The following LRRC4C variants were observed in gnomAD, a reference collection of about 807,000 sequenced individuals.
LRRC4C encodes leucine rich repeat containing 4C.
A neutral mutation model predicts 33.6 loss-of-function variants in LRRC4C; 5 were observed. The ratio of observed to expected loss-of-function variants is 0.15; its 90% CI spans 0.08 to 0.31. The LOEUF is 0.31. Among genes scored for constraint, LRRC4C ranks in the 10% least tolerant of loss-of-function variants. LRRC4C has a pLI of 1.00. For missense variants in LRRC4C, 560 were observed against 796.7 expected (o/e 0.70, Z 3.58); for synonymous variants, 329 against 302.0 (o/e 1.09, Z -0.93).
intron 3 of LRRC4C, among the ~76,000 whole-genome samples, chr11:40,560,786 G>A (rs945558128): frequency 6.6e-6 from 1 of 152,148 alleles, no homozygotes; most frequent in Non-Finnish European, 1.5e-5. Context: ...TTTTGGAAGT[G>A]GTGAAGGAGT....
intron 6 of LRRC4C, among the ~76,000 whole-genome samples, chr11:40,117,947 A>G (rs1855551979): frequency 6.6e-6 from 1 of 151,210 alleles, no homozygotes; most frequent in South Asian, 2.1e-4. Context: ...TCAGAACTCA[A>G]TAAATGTTAG....
Position 41,257,272 on chromosome 11 carries a change from G to A in LRRC4C, c.-496+202159C>T, listed in dbSNP as rs533619555. Among the ~76,000 whole-genome samples, 5 of 152,088 alleles carry A rather than the reference G, an allele frequency of 3.3e-5. No homozygotes were observed. In the East Asian group the frequency reaches 7.7e-4, roughly 24 times the overall value. Reference sequence around the variant, plus strand: ...TAAGTGGAAAAGAACTTGGAAAGGTGAAAAATGTGAAAGACAAGAAATATA... The same window carrying A: ...TAAGTGGAAAAGAACTTGGAAAGGTAAAAAATGTGAAAGACAAGAAATATA... On this transcript the variant is annotated intron_variant, in intron 1 of 6. Coordinates refer to ENST00000528697, the MANE Select transcript of LRRC4C (RefSeq NM_001258419.2).
chr11:40,241,814 T>C (rs1865942895), intron 4 of LRRC4C: 1 of 152,206 alleles, frequency 6.6e-6, no homozygotes, highest in Non-Finnish European at 1.5e-5. Context: ...ACCACATAGG[T>C]TGCTAGTATC....
chr11:40,436,575 G>A (rs1164272170), intron 3 of LRRC4C, among the ~76,000 whole-genome samples: 1 of 152,134 alleles, frequency 6.6e-6, no homozygotes, highest in Non-Finnish European at 1.5e-5. Flanking sequence ...AGCCTGGTGT[G>A]TGCACCCAAG....
intron 2 of LRRC4C, among the ~76,000 whole-genome samples, chr11:40,715,575 A>G (rs1051029331): frequency 2.6e-5 from 4 of 152,240 alleles, no homozygotes; most frequent in Non-Finnish European, 5.9e-5. Context: ...GTGCATGCTC[A>G]CTGGGTATCA....
At chr11:40,312,240 C>T (rs899723799) in intron 4 of LRRC4C, among the ~76,000 whole-genome samples, 2 of 152,108 alleles carry the variant, frequency 1.3e-5, no homozygotes, top group African/African-American at 4.8e-5. Context: ...TTACCTTAAT[C>T]GATAACAGTA....
At chr11:41,390,134 G>T (rs535440485) in intron 1 of LRRC4C, among the ~76,000 whole-genome samples, 1 of 151,876 alleles carries the variant, frequency 6.6e-6, no homozygotes, top group Admixed American at 6.6e-5. Context: ...TTTGTTTGCC[G>T]AGGATTTGAG....
At chr11:41,226,983 C>T (rs1404212283) in intron 1 of LRRC4C, among the ~76,000 whole-genome samples, 1 of 151,926 alleles carries the variant, frequency 6.6e-6, no homozygotes, top group African/African-American at 2.4e-5. Context: ...AACCCACAAC[C>T]ACAGTCCTCT....
At chr11:40,322,750 C>T (rs919155894) in intron 3 of LRRC4C, among the ~76,000 whole-genome samples, 2 of 152,092 alleles carry the variant, frequency 1.3e-5, no homozygotes, top group African/African-American at 4.8e-5. Context: ...AGGTCCATCC[C>T]TTTTATGCTG....
At chr11:40,447,849 C>T (rs1419912201) in intron 3 of LRRC4C, among the ~76,000 whole-genome samples, 2 of 152,182 alleles carry the variant, frequency 1.3e-5, no homozygotes, top group Non-Finnish European at 2.9e-5. Context: ...CTGAGTCTCG[C>T]TCTGTTGCCC....
At chr11:40,327,737 G>C (rs1342862114) in intron 3 of LRRC4C, among the ~76,000 whole-genome samples, 1 of 151,810 alleles carries the variant, frequency 6.6e-6, no homozygotes, top group Non-Finnish European at 1.5e-5. Flanking sequence ...AAAATTTTTA[G>C]TCTATTAAAC....
chr11:40,803,615 A>G (rs959456790), intron 2 of LRRC4C, among the ~76,000 whole-genome samples: 4 of 151,794 alleles, frequency 2.6e-5, no homozygotes, highest in Non-Finnish European at 5.9e-5. Context: ...TTAATTAATG[A>G]ATTTATTTAT....
chr11:40,719,407 C>G (rs1946894247), intron 2 of LRRC4C, among the ~76,000 whole-genome samples: 1 of 151,792 alleles, frequency 6.6e-6, no homozygotes, highest in Non-Finnish European at 1.5e-5. Flanking sequence ...GAAAAGTGAC[C>G]AGAAAAAAAT....
intron 4 of LRRC4C, among the ~76,000 whole-genome samples, chr11:40,268,997 C>T (rs1404017426): frequency 6.6e-6 from 1 of 152,166 alleles, no homozygotes; most frequent in Admixed American, 6.6e-5. Context: ...TTGGCTTTTA[C>T]TTTCTGCAGG....
chr11:40,507,569 C>T (rs1045751180), intron 3 of LRRC4C, among the ~76,000 whole-genome samples: 1 of 152,008 alleles, frequency 6.6e-6, no homozygotes, highest in South Asian at 2.1e-4. Context: ...TAACGCCTAG[C>T]ATTACCATAT....
At chr11:40,466,341 A>T (rs568173022) in intron 3 of LRRC4C, among the ~76,000 whole-genome samples, 1 of 152,134 alleles carries the variant, frequency 6.6e-6, no homozygotes, top group Non-Finnish European at 1.5e-5. Flanking sequence ...TGATGGATAC[A>T]ATACAAGACT....
At chr11:41,336,250 T>TA (rs1555149989) in intron 1 of LRRC4C, among the ~76,000 whole-genome samples, 11 of 150,704 alleles carry the variant, frequency 7.3e-5, no homozygotes, top group Admixed American at 2.0e-4. Context: ...TCCTTTTTTT[T>TA]TAAAAAAAAA....
At chr11:40,843,564 A>G (rs556830209) in intron 2 of LRRC4C, among the ~76,000 whole-genome samples, 19 of 152,308 alleles carry the variant, frequency 1.2e-4, no homozygotes, top group Non-Finnish European at 2.1e-4. Context: ...TGAAGGGCAG[A>G]GAGCTTTCTC....
chr11:41,269,573 GAAGAGA>G (rs1250109786), intron 1 of LRRC4C, among the ~76,000 whole-genome samples: 1 of 152,122 alleles, frequency 6.6e-6, no homozygotes, highest in East Asian at 1.9e-4. Flanking sequence ...AGTCTGGCTT[GAAGAGA>G]AAGAGTACAT....
Sources: gnomAD v4.1 joint callset for allele counts (sites outside exome capture counted in the v4.1 genomes callset) on GRCh38, gnomAD v4.1.1 for gene constraint, MANE v1.5 for transcripts, NCBI Gene and HGNC (gene_info 2026-07-23, HGNC 2026-07-21) for gene names.